Variants in CDH6 observed in about 807,000 individuals in gnomAD.
The protein encoded by CDH6 is cadherin-6.
CDH6 carries 31 observed loss-of-function variants against 78.0 expected under a neutral mutation model. The ratio of observed to expected loss-of-function variants is 0.40; its 90% CI spans 0.30 to 0.54. The LOEUF (loss-of-function observed/expected upper bound fraction) is 0.54, where lower values mean the gene tolerates loss of function less well. Ranked by LOEUF, CDH6 falls within the 20% of genes least tolerant of loss-of-function variation. The pLI is 0.56. For missense variants in CDH6, 724 were observed against 975.9 expected, an observed-to-expected ratio of 0.74 and a Z score of 3.44; for synonymous variants, 376 against 368.8, an observed-to-expected ratio of 1.02 and a Z score of -0.23.
At chr5:31,227,991 C>T (rs1051600634) in intron 1 of CDH6, among the ~76,000 whole-genome samples, 1 of 152,192 alleles carries the variant, frequency 6.6e-6, no homozygotes, top group African/African-American at 2.4e-5. Context: ...GGCTAAAAAT[C>T]AGCCTGTCGG....
intron 1 of CDH6, among the ~76,000 whole-genome samples, chr5:31,215,031 G>C (rs921297120): frequency 1.3e-5 from 2 of 152,086 alleles, no homozygotes; most frequent in Non-Finnish European, 2.9e-5. Context: ...ATATTCTTTT[G>C]AATGATGTGT....
Position 31,324,441 on chromosome 5 carries a change from C to T in CDH6, c.*1133C>T, listed in dbSNP as rs1027487955. ...TGGAAACCTCTACATATTTATATAA[C>T]GTGATACATTTGGATAAACAACATT... On this transcript the variant is annotated 3_prime_UTR_variant, in exon 12 of 12. Transcript: ENST00000265071. 7.0e-5 allele frequency: 15 copies of T among 213,328 alleles called. No individual in the cohort carries two copies. Among genetic ancestry groups the T allele is most frequent in the South Asian group, 1.9e-4 (1 of 5,346 alleles). The allele number at this position is 213,328 out of a possible 1,614,324, so 13.2% of individuals were successfully genotyped here.
chr5:31,326,694 T>TC lies in CDH6; in HGVS notation c.*3386_*3387insC, dbSNP rs1738633079. The TC allele has an allele frequency of 6.4e-6, 1 of 156,952 alleles. No individual in the cohort carries two copies. Among genetic ancestry groups the TC allele is most frequent in the African/African-American group, 2.6e-5 (1 of 37,766 alleles). The allele number at this position is 156,952 out of a possible 1,614,324, so 9.7% of individuals were successfully genotyped here. A position where few individuals can be genotyped will look rare whatever the true frequency, so the allele number is the denominator to read the frequency against. ...GAAAATCTTAAAATTTTTTTTTTTT[T>TC]TTTTTTTTTTTTTTTGAGACAGAAT... is the stretch of plus-strand genomic sequence containing the variant. On this transcript the variant is annotated 3_prime_UTR_variant, in exon 12 of 12. Transcript: ENST00000265071.
chr5:31,262,960 GT>G (rs1030230730), intron 1 of CDH6, among the ~76,000 whole-genome samples: 2 of 152,094 alleles, frequency 1.3e-5, no homozygotes, highest in South Asian at 4.2e-4. Context: ...TAAGAATCCT[GT>G]TTTTTGCATT....
At chr5:31,195,973 A>G (rs1740152165) in intron 1 of CDH6, among the ~76,000 whole-genome samples, 1 of 152,224 alleles carries the variant, frequency 6.6e-6, no homozygotes, top group Admixed American at 6.5e-5. Flanking sequence ...TTTTGCTACC[A>G]TTACAAGAAA....
At chr5:31,204,677 A>G (rs984316708) in intron 1 of CDH6, among the ~76,000 whole-genome samples, 1 of 152,126 alleles carries the variant, frequency 6.6e-6, no homozygotes, top group African/African-American at 2.4e-5. Context: ...TTTTCTTTGT[A>G]TGATAATCTT....
At chr5:31,257,122 A>G (rs1040537026) in intron 1 of CDH6, among the ~76,000 whole-genome samples, 8 of 152,194 alleles carry the variant, frequency 5.3e-5, no homozygotes, top group African/African-American at 1.9e-4. Flanking sequence ...CTGTATTTGT[A>G]ACATGGTGAT....
intron 9 of CDH6, 91 bp from the exon 10 acceptor site, chr5:31,317,284 A>T (rs1303775835): frequency 2.9e-6 from 2 of 696,448 alleles, no homozygotes; most frequent in African/African-American, 3.6e-5. Flanking sequence ...TTAAATTTTT[A>T]AATCATTTTG....
At chr5:31,198,339 G>C (rs1740228283) in intron 1 of CDH6, among the ~76,000 whole-genome samples, 2 of 152,164 alleles carry the variant, frequency 1.3e-5, no homozygotes, top group Admixed American at 1.3e-4. Context: ...TGATTTATAA[G>C]AGGTAGAATT....
intron 1 of CDH6, among the ~76,000 whole-genome samples, chr5:31,243,601 T>C (rs1278843820): frequency 6.6e-6 from 1 of 152,164 alleles, no homozygotes; most frequent in Non-Finnish European, 1.5e-5. Flanking sequence ...CTGAGGCTTC[T>C]TTACTGGCCC....
intron 1 of CDH6, among the ~76,000 whole-genome samples, chr5:31,235,817 T>G (rs1741440452): frequency 6.6e-6 from 1 of 152,210 alleles, no homozygotes; most frequent in South Asian, 2.1e-4. Flanking sequence ...TCTAGAATAT[T>G]GTTTTAATTA....
chr5:31,261,865 T>A (rs1742220760), intron 1 of CDH6, among the ~76,000 whole-genome samples: 2 of 152,192 alleles, frequency 1.3e-5, no homozygotes, highest in Admixed American at 1.3e-4. Context: ...GATAATACAT[T>A]TGAGTCATTC....
chr5:31,317,448 C>T lies in CDH6; in HGVS notation c.1586C>T (p.Pro529Leu). The T allele has an allele frequency of 6.2e-7, 1 of 1,613,458 alleles. No individual in the cohort carries two copies. The highest frequency in any genetic ancestry group is 8.5e-7 in the Non-Finnish European group (1 of 1,179,454). The part of the protein sequence containing the change: ...SGHQFSFSLA[P>L]EAASGSNFTI... ...CACCAATTTTCGTTTTCCTTGGCCC[C>T]TGAAGCAGCCAGTGGCTCAAACTTT... Residue 529 changes from proline (P) to leucine (L), a missense_variant, in exon 10 of 12, where the codon CCT becomes CTT. Physicochemically the swap from Pro to Leu is moderately conservative, Grantham distance 98. Coordinates refer to ENST00000265071, the MANE Select transcript of CDH6 (RefSeq NM_004932.4).
Position 31,302,207 on chromosome 5 carries a change from T to C in CDH6, c.908T>C (p.Ile303Thr), listed in dbSNP as rs1398613418. The C allele has an allele frequency of 8.7e-6, 14 of 1,613,856 alleles. No homozygotes were observed. In the Admixed American group the frequency reaches 2.2e-4, roughly 25 times the overall value. Residue 303 changes from isoleucine to threonine, a missense_variant, in exon 6 of 12, where the codon ATT (isoleucine) becomes ACT (threonine). This residue lies in a region of CDH6 where 446 missense variants were observed against 684.5 expected (regional missense o/e 0.65). Coordinates refer to ENST00000265071, the MANE Select transcript of CDH6 (RefSeq NM_004932.4). ...SDADVGENAE[I>T]EYSITDGEGL... ...GCTGATGTGGGAGAAAATGCTGAAATTGAGTACAGCATCACAGACGGTGAG... is the reference window on the plus strand; with the variant it reads ...GCTGATGTGGGAGAAAATGCTGAAACTGAGTACAGCATCACAGACGGTGAG...
chr5:31,205,915 CACA>C (rs1245062052), intron 1 of CDH6, among the ~76,000 whole-genome samples: 11 of 152,126 alleles, frequency 7.2e-5, no homozygotes, highest in Non-Finnish European at 4.4e-5. Context: ...GTTTAATGTT[CACA>C]ACAAGACTTT....
chr5:31,306,798 G>A (rs958783078), intron 7 of CDH6, among the ~76,000 whole-genome samples: 23 of 152,002 alleles, frequency 1.5e-4, no homozygotes, highest in African/African-American at 2.4e-4. Context: ...TATGTAATAC[G>A]TCAGGCAAAA....
chr5:31,256,241 G>C (rs1440924229), intron 1 of CDH6, among the ~76,000 whole-genome samples: 1 of 152,192 alleles, frequency 6.6e-6, no homozygotes, highest in Non-Finnish European at 1.5e-5. Flanking sequence ...CGGTCGGTAA[G>C]TAATGAGTGA....
chr5:31,208,042 C>T (rs1279698194), intron 1 of CDH6, among the ~76,000 whole-genome samples: 2 of 152,152 alleles, frequency 1.3e-5, no homozygotes, highest in Admixed American at 1.3e-4. Context: ...TGTGAAGGCC[C>T]GGAGCTCTGG....
At chr5:31,300,708 G>A (rs2330698) in intron 5 of CDH6, among the ~76,000 whole-genome samples, 34,086 of 152,176 alleles carry the variant, frequency 0.22, 4,298 homozygotes, top group Non-Finnish European at 0.29. Context: ...ACAGGAATTT[G>A]TAACTCACTC....
Sources: allele counts gnomAD v4.1 joint callset (sites outside exome capture counted in the v4.1 genomes callset), GRCh38; gene constraint gnomAD v4.1.1; regional missense constraint gnomAD v4.1.1; transcripts MANE v1.5; gene names NCBI Gene and HGNC (gene_info 2026-07-23, HGNC 2026-07-21).